BEST1: variants seen among roughly 807,000 people sequenced by gnomAD.
BEST1 encodes bestrophin 1, also known as bestrophin-1.
A neutral mutation model predicts 63.3 loss-of-function variants in BEST1; 58 were observed. That is an observed-to-expected ratio of 0.92 (90% confidence interval 0.74 to 1.14). The LOEUF (loss-of-function observed/expected upper bound fraction) is 1.14. Ranked by LOEUF, BEST1 falls within the 50% of genes most tolerant of loss-of-function variation. The pLI is 0.00. For missense variants in BEST1, 671 were observed against 740.1 expected (o/e 0.91, Z 1.08); for synonymous variants, 283 against 291.6 (o/e 0.97, Z 0.30).
intron 10 of BEST1, chr11:61,963,497 A>AT: frequency 9.4e-7 from 1 of 1,065,454 alleles, no homozygotes; most frequent in Non-Finnish European, 1.1e-6. Flanking sequence ...ACAAAATCAG[A>AT]TATTTCCCTT....
chr11:61,965,078 T>C, downstream of BEST1: 1 of 1,608,140 alleles, frequency 6.2e-7, no homozygotes, highest in Non-Finnish European at 8.5e-7. Flanking sequence ...CTCCATTGCA[T>C]TCAGCCCGCT....
At position 61,955,151 on chromosome 11, in the gene BEST1, C is replaced by T. The variant is rs1941147176; in HGVS notation, c.197C>T (p.Thr66Ile). 1.9e-6 allele frequency: 3 copies of T among 1,613,714 alleles called. No individual in the cohort carries two copies. The highest frequency in any genetic ancestry group is 2.5e-6 in the Non-Finnish European group (3 of 1,179,690). The part of the protein sequence containing the change: ...EEQQLMFEKL[T>I]LYCDSYIQLI... Reference sequence around the variant, plus strand: ...CAACAGCTGATGTTTGAGAAACTGACTCTGTATTGCGACAGCTACATCCAG... The same window carrying T: ...CAACAGCTGATGTTTGAGAAACTGATTCTGTATTGCGACAGCTACATCCAG... The change falls in exon 3 of 11, where the codon ACT (threonine) becomes ATT (isoleucine). Residue 66 changes from threonine to isoleucine, a missense_variant. By Grantham distance (89) the Thr-to-Ile change is moderately conservative. Coordinates refer to ENST00000378043, the MANE Select transcript of BEST1 (RefSeq NM_004183.4).
chr11:61,957,301 C>A, intron 5 of BEST1, 86 bp from the exon 6 acceptor site: 1 of 1,231,406 alleles, frequency 8.1e-7, no homozygotes, highest in Non-Finnish European at 1.2e-6. Flanking sequence ...AGGTACCAGG[C>A]CCTGGTACCT....
At position 61,959,517 on chromosome 11, in the gene BEST1, A is replaced by T; in HGVS notation, c.887A>T (p.Asn296Ile). The T allele has an allele frequency of 1.2e-6, 2 of 1,613,994 alleles. No homozygotes were observed. Among genetic ancestry groups the T allele is most frequent in the Non-Finnish European group, 1.7e-6 (2 of 1,179,992 alleles). Reference sequence around the variant, plus strand: ...CCCAAGGTGGCAGAGCAGCTCATCAACCCCTTTGGAGAGGATGATGATGAT... The same window carrying T: ...CCCAAGGTGGCAGAGCAGCTCATCATCCCCTTTGGAGAGGATGATGATGAT... ...GWLKVAEQLI[N>I]PFGEDDDDFE... is the part of the protein sequence containing the mutation. The change falls in exon 8 of 11, where the codon AAC (asparagine) becomes ATC (isoleucine). Residue 296 changes from asparagine (N) to isoleucine (I), a missense_variant. By Grantham distance (149) the Asn-to-Ile change is moderately radical (BLOSUM62 -3). Transcript: ENST00000378043.
intron 9 of BEST1, 108 bp downstream of exon 9, chr11:61,960,151 T>C: frequency 7.1e-7 from 1 of 1,410,408 alleles, no homozygotes; most frequent in East Asian, 2.5e-5. Flanking sequence ...TCAGTAAGTG[T>C]CAGGCACTGT....
intron 2 of BEST1, chr11:61,954,758 C>CT: frequency 1.0e-6 from 1 of 978,542 alleles, no homozygotes; most frequent in South Asian, 4.7e-5. Flanking sequence ...CCCAAACACT[C>CT]TGTTTCGACC....
chr11:61,953,002 C>T (rs2134415931), intron 2 of BEST1, among the ~76,000 whole-genome samples: 1 of 152,094 alleles, frequency 6.6e-6, no homozygotes, highest in South Asian at 2.1e-4. Flanking sequence ...ACTTGGGAAG[C>T]TGAGGTGTGG....
In BEST1 at chr11:61,959,988, G is replaced by A. The variant is rs1481600052; in HGVS notation, c.1045G>A (p.Ala349Thr). 1.2e-6 allele frequency: 2 copies of A among 1,612,222 alleles called. No individual in the cohort carries two copies. The highest frequency in any genetic ancestry group is 3.3e-5 in the Admixed American group (2 of 59,800). The change falls in exon 9 of 11, where the codon GCT (alanine) becomes ACT (threonine). Residue 349 changes from alanine (A) to threonine (T), a missense_variant. Physicochemically the swap from Ala to Thr is moderately conservative, Grantham distance 58. Coordinates refer to ENST00000378043, the MANE Select transcript of BEST1 (RefSeq NM_004183.4). ...NKPEPQPPYTAASAQFRRASF... is the reference protein window; with the variant it reads ...NKPEPQPPYTTASAQFRRASF... ...GCCCGAGCCACAGCCCCCCTACACAGCTGCTTCCGCCCAGTTCCGTCGAGC... is the reference window on the plus strand; with the variant it reads ...GCCCGAGCCACAGCCCCCCTACACAACTGCTTCCGCCCAGTTCCGTCGAGC...
At chr11:61,965,229 G>A, downstream of BEST1, 1 of 1,591,874 alleles carries the variant, frequency 6.3e-7, no homozygotes, top group Non-Finnish European at 8.6e-7. Flanking sequence ...ATTTAGTTTA[G>A]ATGGTAAGCC....
At chr11:61,954,693 TC>T (rs1176788289) in intron 2 of BEST1, 1 of 661,756 alleles carries the variant, frequency 1.5e-6, no homozygotes, top group Non-Finnish European at 1.9e-6. Flanking sequence ...GAACTCTTGG[TC>T]CTGCCTTAGC....
At chr11:61,965,017 G>T, downstream of BEST1, 3 of 1,613,920 alleles carry the variant, frequency 1.9e-6, no homozygotes, top group Non-Finnish European at 2.5e-6. Context: ...TGGCCAGTTT[G>T]TGCAGTTCCA....
At chr11:61,965,218 A>G, downstream of BEST1, 8 of 1,593,252 alleles carry the variant, frequency 5.0e-6, no homozygotes, top group Non-Finnish European at 6.8e-6. Context: ...CTATTTGCCT[A>G]ATTTAGTTTA....
chr11:61,964,191 C>T lies in BEST1; in HGVS notation c.*69C>T. The T allele has an allele frequency of 6.2e-7, 1 of 1,610,122 alleles. No individual in the cohort carries two copies. Among genetic ancestry groups the T allele is most frequent in the Non-Finnish European group, 8.5e-7 (1 of 1,178,612 alleles). ...GTGTGTACACCAGCAGGACACTGAT[C>T]CAGTCACAGCCATACAGCTGTCCAC... On this transcript the variant is annotated 3_prime_UTR_variant, in exon 11 of 11. Coordinates refer to ENST00000378043, the MANE Select transcript of BEST1 (RefSeq NM_004183.4).
At chr11:61,958,074 C>T in intron 6 of BEST1, 72 bp from the exon 7 acceptor site, 1 of 1,609,488 alleles carries the variant, frequency 6.2e-7, no homozygotes, top group African/African-American at 1.3e-5. Context: ...CTCAGACTCC[C>T]AGCCCCTGGA....
rs2134453772 is a variant in BEST1 at position 61,959,588 on chromosome 11, G to A, written c.948+10G>A. ...CGACAGGAATTTGCAGGTATGGGGA[G>A]AGGGAGAGAAACCATACCATGGACC... On this transcript the variant is annotated intron_variant, in intron 8 of 10. Coordinates refer to ENST00000378043, the MANE Select transcript of BEST1 (RefSeq NM_004183.4). The A allele has an allele frequency of 6.2e-7, 1 of 1,613,944 alleles. No homozygotes were observed. The highest frequency in any genetic ancestry group is 8.5e-7 in the Non-Finnish European group (1 of 1,179,826).
chr11:61,954,369 A>C (rs1370664035), intron 2 of BEST1, among the ~76,000 whole-genome samples: 2 of 152,200 alleles, frequency 1.3e-5, no homozygotes, highest in Non-Finnish European at 2.9e-5. Flanking sequence ...GGTTTGGATA[A>C]ATGTGTAATG....
At chr11:61,955,500 C>A in intron 3 of BEST1, 1 of 1,115,192 alleles carries the variant, frequency 9.0e-7, no homozygotes, top group Non-Finnish European at 1.2e-6. Context: ...ATTTCTGGGA[C>A]CAGCAGGGGG....
At chr11:61,961,963 G>C in intron 9 of BEST1, 1 of 465,268 alleles carries the variant, frequency 2.1e-6, no homozygotes, top group Non-Finnish European at 4.0e-6. Context: ...GGTTTTACAG[G>C]GGAAGTGAAT....
intron 2 of BEST1, 65 bp from the exon 3 acceptor site, chr11:61,955,042 C>T: frequency 5.6e-6 from 9 of 1,604,980 alleles, no homozygotes; most frequent in Non-Finnish European, 6.8e-6. Flanking sequence ...CGGGCTAGAC[C>T]TGGGGACAGT....
Sources: gnomAD v4.1 joint callset for allele counts (sites outside exome capture counted in the v4.1 genomes callset) on GRCh38, gnomAD v4.1.1 for gene constraint, MANE v1.5 for transcripts, NCBI Gene and HGNC (gene_info 2026-07-23, HGNC 2026-07-21) for gene names.